Variants in DLG2 observed in about 807,000 individuals in gnomAD.
DLG2 encodes the protein discs large MAGUK scaffold protein 2.
A neutral mutation model predicts 132.5 loss-of-function variants in DLG2; 45 were observed. The ratio of observed to expected loss-of-function variants is 0.34; its 90% CI spans 0.27 to 0.44. The LOEUF (loss-of-function observed/expected upper bound fraction) is 0.44, where lower values mean the gene tolerates loss of function less well. Among genes scored for constraint, DLG2 ranks in the 20% least tolerant of loss-of-function variants. DLG2 has a pLI of 1.00. For missense variants in DLG2, 1,045 were observed against 1,196.9 expected, an observed-to-expected ratio of 0.87 and a Z score of 1.87; for synonymous variants, 424 against 419.6, an observed-to-expected ratio of 1.01 and a Z score of -0.13.
At chr11:84,547,826 T>C (rs1009028550) in intron 6 of DLG2, among the ~76,000 whole-genome samples, 2 of 152,084 alleles carry the variant, frequency 1.3e-5, no homozygotes, top group African/African-American at 4.8e-5. Flanking sequence ...AGTAGGTGCT[T>C]AATAAATGCT....
At chr11:85,575,975 A>G (rs905570911) in intron 3 of DLG2, among the ~76,000 whole-genome samples, 1 of 152,214 alleles carries the variant, frequency 6.6e-6, no homozygotes, top group Non-Finnish European at 1.5e-5. Flanking sequence ...AAAGCTTAGA[A>G]AAATATAATG....
chr11:85,463,387 A>G (rs976980453), intron 3 of DLG2, among the ~76,000 whole-genome samples: 1 of 152,266 alleles, frequency 6.6e-6, no homozygotes, highest in Non-Finnish European at 1.5e-5. Context: ...ATGAAAACAG[A>G]AAGCATCAAA....
chr11:84,936,390 AAC>A (rs2048748645), intron 6 of DLG2, among the ~76,000 whole-genome samples: 1 of 152,208 alleles, frequency 6.6e-6, no homozygotes, highest in Non-Finnish European at 1.5e-5. Flanking sequence ...AAAAGCCTTA[AAC>A]ACATATTTTT....
intron 6 of DLG2, among the ~76,000 whole-genome samples, chr11:84,914,531 C>T (rs185954491): frequency 6.6e-6 from 1 of 152,194 alleles, no homozygotes; most frequent in African/African-American, 2.4e-5. Context: ...GACCCCAGAT[C>T]CATGGGAGAA....
At chr11:85,012,791 A>G (rs778821358) in intron 6 of DLG2, among the ~76,000 whole-genome samples, 3 of 152,240 alleles carry the variant, frequency 2.0e-5, no homozygotes, top group Non-Finnish European at 4.4e-5. Context: ...CATTTTTGCT[A>G]AAGTGATTTT....
At chr11:84,388,238 T>A (rs1403634281) in intron 7 of DLG2, among the ~76,000 whole-genome samples, 1 of 152,166 alleles carries the variant, frequency 6.6e-6, no homozygotes, top group Non-Finnish European at 1.5e-5. Flanking sequence ...GATGGCCGTG[T>A]CATTAATTAC....
intron 6 of DLG2, among the ~76,000 whole-genome samples, chr11:84,690,107 C>T (rs553923650): frequency 6.0e-5 from 9 of 151,052 alleles, no homozygotes; most frequent in African/African-American, 1.5e-4. Context: ...CTGAGGTGGT[C>T]GGGATGGGGT....
intron 15 of DLG2, among the ~76,000 whole-genome samples, chr11:83,914,768 T>C (rs1463845393): frequency 6.6e-6 from 1 of 152,144 alleles, no homozygotes; most frequent in East Asian, 1.9e-4. Context: ...GACAACAATC[T>C]GAATGGTAAG....
chr11:85,016,584 C>T (rs1442252251), intron 6 of DLG2, among the ~76,000 whole-genome samples: 1 of 152,270 alleles, frequency 6.6e-6, no homozygotes. Flanking sequence ...TCAACTCACA[C>T]CTAGGAAATG....
chr11:84,896,259 G>A (rs964464594), intron 6 of DLG2, among the ~76,000 whole-genome samples: 3 of 151,972 alleles, frequency 2.0e-5, no homozygotes, highest in Admixed American at 6.6e-5. Flanking sequence ...ATTCTACAAC[G>A]AGCAGAGGGT....
chr11:84,552,383 A>C (rs755539909), intron 6 of DLG2, among the ~76,000 whole-genome samples: 1 of 152,146 alleles, frequency 6.6e-6, no homozygotes, highest in Non-Finnish European at 1.5e-5. Flanking sequence ...AATTATTTGC[A>C]ACTCAGAGTA....
At chr11:85,308,116 T>G (rs998365568) in intron 3 of DLG2, among the ~76,000 whole-genome samples, 2 of 147,282 alleles carry the variant, frequency 1.4e-5, no homozygotes, top group Non-Finnish European at 3.0e-5. Flanking sequence ...ATCATGCCAC[T>G]GCACTCCAGC....
At chr11:84,673,346 G>T (rs555692816) in intron 6 of DLG2, among the ~76,000 whole-genome samples, 39 of 151,986 alleles carry the variant, frequency 2.6e-4, no homozygotes, top group African/African-American at 9.2e-4. Flanking sequence ...AATTTAGAGC[G>T]GTAGCATGGT....
chr11:83,844,547 CAAAAA>C (rs59755957), intron 16 of DLG2, among the ~76,000 whole-genome samples: 23 of 70,648 alleles, frequency 3.3e-4, no homozygotes, highest in Non-Finnish European at 5.5e-4. Flanking sequence ...GAGTCTGTAT[CAAAAA>C]AAAAAAAAAA....
intron 6 of DLG2, among the ~76,000 whole-genome samples, chr11:84,825,171 T>C (rs147638090): frequency 1.6e-4 from 25 of 152,026 alleles, no homozygotes; most frequent in African/African-American, 5.8e-4. Context: ...TAGCACACCC[T>C]GGACTGGACT....
At chr11:84,960,215 A>T (rs1391685653) in intron 6 of DLG2, among the ~76,000 whole-genome samples, 1 of 152,078 alleles carries the variant, frequency 6.6e-6, no homozygotes, top group Non-Finnish European at 1.5e-5. Flanking sequence ...AGTGTCTTTT[A>T]TTCGCCCATA....
chr11:85,441,522 T>G (rs1396497298), intron 3 of DLG2, among the ~76,000 whole-genome samples: 1 of 152,202 alleles, frequency 6.6e-6, no homozygotes, highest in Non-Finnish European at 1.5e-5. Context: ...TATCTCTGAC[T>G]CCAGTCTCAA....
intron 15 of DLG2, among the ~76,000 whole-genome samples, chr11:83,904,705 C>T (rs941145588): frequency 2.0e-5 from 3 of 151,542 alleles, no homozygotes; most frequent in South Asian, 2.1e-4. Flanking sequence ...TGCATTTCTC[C>T]ATAGTAAAGA....
chr11:83,722,587 T>C (rs549392854), intron 18 of DLG2, among the ~76,000 whole-genome samples: 2 of 152,296 alleles, frequency 1.3e-5, no homozygotes, highest in South Asian at 4.1e-4. Context: ...AGGCTGGTTT[T>C]TAAACTGGCT....
Sources: allele counts gnomAD v4.1 joint callset (sites outside exome capture counted in the v4.1 genomes callset), GRCh38; gene constraint gnomAD v4.1.1; transcripts MANE v1.5; gene names NCBI Gene and HGNC (gene_info 2026-07-23, HGNC 2026-07-21).